Variants in RYR2 observed in about 807,000 individuals in gnomAD.
The protein encoded by RYR2 is cardiac muscle ryanodine receptor-calcium release channel.
In RYR2, 227 loss-of-function variants were observed where a neutral mutation model predicts 601.1. The ratio of observed to expected loss-of-function variants is 0.38; its 90% CI spans 0.34 to 0.42. RYR2 has a LOEUF of 0.42. Among genes scored for constraint, RYR2 ranks in the 10% least tolerant of loss-of-function variants. The pLI, the probability that RYR2 is intolerant of heterozygous loss-of-function variation, is 1.00. For synonymous variants in RYR2, 2,223 were observed against 2,175.1 expected (o/e 1.02, Z -0.61); for missense variants, 4,646 against 6,156.5 (o/e 0.75, Z 8.21).
chr1:237,489,653 A>G (rs1193126126), intron 17 of RYR2, among the ~76,000 whole-genome samples: 7 of 152,186 alleles, frequency 4.6e-5, no homozygotes, highest in Non-Finnish European at 1.0e-4. Context: ...GCGAAACTCC[A>G]TCTCAAAAAG....
chr1:237,483,223 G>T (rs1048393640), intron 17 of RYR2, among the ~76,000 whole-genome samples: 2 of 151,974 alleles, frequency 1.3e-5, no homozygotes, highest in Non-Finnish European at 2.9e-5. Context: ...TACCTCTTAC[G>T]ACTATCATCA....
At chr1:237,469,524 T>A (rs559828092) in intron 17 of RYR2, among the ~76,000 whole-genome samples, 5 of 152,344 alleles carry the variant, frequency 3.3e-5, no homozygotes, top group Admixed American at 6.5e-5. Context: ...AAATCATTAG[T>A]ATTTTCATTA....
At chr1:237,603,757 G>A (rs543477341) in intron 35 of RYR2, among the ~76,000 whole-genome samples, 3 of 151,796 alleles carry the variant, frequency 2.0e-5, no homozygotes, top group Non-Finnish European at 2.9e-5. Context: ...GAAAACAAAG[G>A]CAGGGATTGC....
chr1:237,201,916 C>T (rs180883108), intron 1 of RYR2, among the ~76,000 whole-genome samples: 57 of 152,278 alleles, frequency 3.7e-4, no homozygotes, highest in Non-Finnish European at 6.8e-4. Context: ...TCTACTGATA[C>T]ACTGAATTAC....
intron 10 of RYR2, among the ~76,000 whole-genome samples, chr1:237,404,086 T>A (rs895159383): frequency 6.6e-6 from 1 of 152,080 alleles, no homozygotes; most frequent in Non-Finnish European, 1.5e-5. Flanking sequence ...AAACCCCATC[T>A]CTACAAAAAA....
intron 56 of RYR2, 101 bp downstream of exon 56, chr1:237,661,048 C>A: frequency 8.8e-7 from 1 of 1,138,900 alleles, no homozygotes; most frequent in Non-Finnish European, 1.1e-6. Context: ...TCTGAAAATT[C>A]TGAAGAGTCA....
At chr1:237,694,272 C>T (rs1687215032) in intron 63 of RYR2, among the ~76,000 whole-genome samples, 2 of 142,822 alleles carry the variant, frequency 1.4e-5, no homozygotes, top group African/African-American at 5.3e-5. Flanking sequence ...CCAGCCTGGG[C>T]GACACGGCGA....
At chr1:237,740,608 A>T (rs1573753283) in intron 79 of RYR2, among the ~76,000 whole-genome samples, 2 of 152,248 alleles carry the variant, frequency 1.3e-5, no homozygotes, top group South Asian at 4.1e-4. Flanking sequence ...TCTTTATCTC[A>T]ATCCTTGTGT....
At chr1:237,048,599 C>T (rs1660876520) in intron 1 of RYR2, among the ~76,000 whole-genome samples, 1 of 152,152 alleles carries the variant, frequency 6.6e-6, no homozygotes, top group African/African-American at 2.4e-5. Flanking sequence ...TGCTTTTCAT[C>T]CTACACAGAG....
Position 237,641,471 on chromosome 1 carries a change from G to GTCTTTCTT in RYR2, c.7221+519_7221+526dup, listed in dbSNP as rs796832994. 6.9e-3 allele frequency among the ~76,000 whole-genome samples: 753 copies of GTCTTTCTT among 108,632 alleles called. 10 individuals are homozygous for GTCTTTCTT. Among genetic ancestry groups the GTCTTTCTT allele is most frequent in the South Asian group, 0.025 (79 of 3,138 alleles). 71.3% of individuals were successfully genotyped at this position (108,632 alleles called of 152,430 possible). A position where few individuals can be genotyped will look rare whatever the true frequency, so the allele number is the denominator to read the frequency against. ...AGACCATATAAATTAGTGTCTGTCT[G>GTCTTTCTT]TCTTTCTTTCTTTCTTTCTTTCTTT... On this transcript the variant is annotated intron_variant, in intron 47 of 104. Transcript: ENST00000366574.
intron 1 of RYR2, among the ~76,000 whole-genome samples, chr1:237,102,411 C>T (rs543211986): frequency 3.3e-5 from 5 of 152,212 alleles, no homozygotes; most frequent in Non-Finnish European, 7.3e-5. Context: ...AATGCCTCTT[C>T]TCACTAAATA....
At chr1:237,156,100 T>A (rs1675301246) in intron 1 of RYR2, among the ~76,000 whole-genome samples, 1 of 152,210 alleles carries the variant, frequency 6.6e-6, no homozygotes, top group South Asian at 2.1e-4. Flanking sequence ...CAATCGTGGC[T>A]TGGGCTCTGT....
At position 237,059,653 on chromosome 1, in the gene RYR2, A is replaced by G. The variant is rs144611350; in HGVS notation, c.48+17084A>G. On this transcript the variant is annotated intron_variant, in intron 1 of 104. Coordinates refer to ENST00000366574, the MANE Select transcript of RYR2 (RefSeq NM_001035.3). ...AAAGGAAGAAAAACTACTGTAAGTT[A>G]TGGGAGACTAAGGCCATGTATTTAT... Among the ~76,000 whole-genome samples, 323 of 152,314 alleles carry G rather than the reference A, an allele frequency of 2.1e-3. 2 individuals carry two copies. The highest frequency in any genetic ancestry group is 0.018 in the South Asian group (87 of 4,826).
intron 1 of RYR2, among the ~76,000 whole-genome samples, chr1:237,081,280 T>TAAAAAAAAA (rs397815900): frequency 1.8e-5 from 1 of 56,262 alleles, no homozygotes; most frequent in Non-Finnish European, 4.4e-5. Context: ...TAGAGTATAA[T>TAAAAAAAAA]AAAAAAAAAA....
At chr1:237,800,072 A>G (rs546671906) in intron 97 of RYR2, 2 of 152,124 alleles carry the variant, frequency 1.3e-5, no homozygotes, top group South Asian at 4.1e-4. Flanking sequence ...GCTGCCACCT[A>G]CGGGTGAGAA....
At chr1:237,810,743 A>C (rs1180380410) in intron 100 of RYR2, among the ~76,000 whole-genome samples, 1 of 152,182 alleles carries the variant, frequency 6.6e-6, no homozygotes, top group Admixed American at 6.5e-5. Context: ...ATAAATCCAT[A>C]ACAAGTATGC....
intron 1 of RYR2, among the ~76,000 whole-genome samples, chr1:237,185,566 C>T (rs1679254527): frequency 6.6e-6 from 1 of 152,004 alleles, no homozygotes; most frequent in African/African-American, 2.4e-5. Flanking sequence ...TCTCGGTGCT[C>T]CTGTGTCAGT....
intron 25 of RYR2, among the ~76,000 whole-genome samples, chr1:237,547,765 T>A (rs1669975742): frequency 1.3e-5 from 2 of 152,224 alleles, no homozygotes; most frequent in Admixed American, 1.3e-4. Context: ...ATTACGATAA[T>A]ACCTTCTCTC....
At chr1:237,704,877 G>C (rs1335751312) in intron 66 of RYR2, among the ~76,000 whole-genome samples, 1 of 152,004 alleles carries the variant, frequency 6.6e-6, no homozygotes, top group Admixed American at 6.6e-5. Context: ...GATATTTCCA[G>C]AATGCCAACA....
Sources: allele counts gnomAD v4.1 joint callset (sites outside exome capture counted in the v4.1 genomes callset), GRCh38; gene constraint gnomAD v4.1.1; transcripts MANE v1.5; gene names NCBI Gene and HGNC (gene_info 2026-07-23, HGNC 2026-07-21).